The following SCAPER variants were observed in gnomAD, a reference collection of about 807,000 sequenced individuals.
SCAPER encodes the protein S-phase cyclin A associated protein in the ER, also known as S phase cyclin A-associated protein in the endoplasmic reticulum.
In SCAPER, 98 loss-of-function variants were observed where a neutral mutation model predicts 182.2. That is an observed-to-expected ratio of 0.54 (90% CI 0.46 to 0.64). SCAPER has a LOEUF of 0.64. Ranked by LOEUF, SCAPER falls within the 30% of genes least tolerant of loss-of-function variation. SCAPER has a pLI of 0.00. For missense variants in SCAPER, 1,432 were observed against 1,690.0 expected, an observed-to-expected ratio of 0.85 and a Z score of 2.68; for synonymous variants, 605 against 564.6, an observed-to-expected ratio of 1.07 and a Z score of -1.01.
chr15:76,558,245 A>G (rs187022186), intron 23 of SCAPER, among the ~76,000 whole-genome samples: 34 of 152,332 alleles, frequency 2.2e-4, no homozygotes, highest in Non-Finnish European at 2.4e-4. Context: ...TTTGCAAACT[A>G]TGCATCTAAC....
chr15:76,832,965 C>T (rs980922355), intron 5 of SCAPER, among the ~76,000 whole-genome samples: 7 of 152,096 alleles, frequency 4.6e-5, no homozygotes, highest in East Asian at 3.9e-4. Flanking sequence ...TGAACTAATA[C>T]TCAGAAACTG....
rs146190190 is a variant in SCAPER, at chr15:76,830,155, G to A, written c.393+11579C>T. Among the ~76,000 whole-genome samples, 95 of 152,166 alleles carry A rather than the reference G, an allele frequency of 6.2e-4. 2 individuals are homozygous for A. The East Asian group carries it at 0.017, about 27-fold the overall frequency. On this transcript the variant is annotated intron_variant, in intron 5 of 31. Transcript: ENST00000563290. ...AAAAATTAGAACATGGAAAGGCCAG[G>A]AAACATGCAAGGACATGATATGGTT... is the stretch of plus-strand genomic sequence containing the variant.
Position 76,701,780 on chromosome 15 carries a change from C to T in SCAPER, c.2486G>A (p.Arg829His), listed in dbSNP as rs1053504919. Reference protein sequence around the residue: ...AVRENTSIQGRELSDEEVEHL... With the variant: ...AVRENTSIQGHELSDEEVEHL... The stretch of plus-strand genomic sequence containing the variant: ...TACCACTTCTTCATCTGACAGTTCA[C>T]GCCCCTGGATGCTGGTATTCTCTCT... Residue 829 changes from arginine to histidine, a missense_variant, in exon 20 of 32, where the codon CGT becomes CAT. Transcript: ENST00000563290. 5.0e-6 allele frequency: 8 copies of T among 1,613,702 alleles called. No individual in the cohort carries two copies. The highest frequency in any genetic ancestry group is 2.7e-5 in the African/African-American group (2 of 75,028).
intron 8 of SCAPER, among the ~76,000 whole-genome samples, chr15:76,777,764 G>A (rs1240059846): frequency 6.6e-6 from 1 of 152,088 alleles, no homozygotes; most frequent in African/African-American, 2.4e-5. Context: ...ACATTGCAAT[G>A]GTTAAAAATG....
intron 25 of SCAPER, chr15:76,470,965 C>T (rs543167167): frequency 6.4e-4 from 153 of 240,612 alleles, no homozygotes; most frequent in African/African-American, 3.3e-3. Flanking sequence ...GTAACCTTAG[C>T]AAGTGTTATA....
intron 22 of SCAPER, chr15:76,586,705 A>G (rs2048688124): frequency 6.5e-6 from 1 of 153,524 alleles, no homozygotes; most frequent in Non-Finnish European, 1.5e-5. Context: ...CAGATGCTCA[A>G]GTCTACTAAA....
Position 76,602,830 on chromosome 15 carries a change from A to AT in SCAPER, c.2711+18933dup, listed in dbSNP as rs2050018533. 1.7e-5 allele frequency among the ~76,000 whole-genome samples: 2 copies of AT among 114,894 alleles called. 1 individual carries two copies. The highest frequency in any genetic ancestry group is 5.3e-4 in the South Asian group (2 of 3,760). The allele number at this position is 114,894 out of a possible 152,430, so 75.4% of individuals were successfully genotyped here. ...ATTGTCATATCCTCAAGCTGAGATT[A>AT]TTTCCTCAGCTATCTGGTCTACTAA... On this transcript the variant is annotated intron_variant, in intron 22 of 31. Transcript: ENST00000563290.
chr15:76,425,837 G>A (rs536385648), intron 26 of SCAPER, among the ~76,000 whole-genome samples: 1 of 152,340 alleles, frequency 6.6e-6, no homozygotes, highest in East Asian at 1.9e-4. Context: ...CTAACAGTCA[G>A]GACCCTCAGC....
chr15:76,735,289 CT>C (rs113383804), intron 15 of SCAPER, among the ~76,000 whole-genome samples: 11,586 of 152,142 alleles, frequency 0.076, 499 homozygotes, highest in Middle Eastern at 0.11. Flanking sequence ...GAGAGGATTG[CT>C]TGAACCCAGG....
chr15:76,518,437 A>G (rs1331807685), intron 23 of SCAPER, among the ~76,000 whole-genome samples: 1 of 152,232 alleles, frequency 6.6e-6, no homozygotes, highest in South Asian at 2.1e-4. Context: ...AGGCACAAGG[A>G]AAGTCAAGCA....
chr15:76,657,587 A>AC (rs2055759310), intron 21 of SCAPER, among the ~76,000 whole-genome samples: 2 of 77,192 alleles, frequency 2.6e-5, no homozygotes, highest in Non-Finnish European at 6.1e-5. Flanking sequence ...AGACACAACA[A>AC]CAAAAAAAAA....
chr15:76,827,276 G>A (rs1022794347), intron 5 of SCAPER, among the ~76,000 whole-genome samples: 29 of 152,158 alleles, frequency 1.9e-4, no homozygotes, highest in African/African-American at 7.0e-4. Context: ...CATTATGCCA[G>A]TTCCCAAATG....
intron 26 of SCAPER, among the ~76,000 whole-genome samples, chr15:76,418,119 G>A (rs1029491317): frequency 6.6e-6 from 1 of 152,174 alleles, no homozygotes; most frequent in Non-Finnish European, 1.5e-5. Flanking sequence ...CCAACAGGAA[G>A]TGACCAAAAC....
chr15:76,702,643 T>A (rs1270138313), intron 19 of SCAPER, among the ~76,000 whole-genome samples: 7 of 152,112 alleles, frequency 4.6e-5, no homozygotes, highest in African/African-American at 1.7e-4. Flanking sequence ...GAGACAGGGT[T>A]TCACCATGTT....
chr15:76,654,396 A>G (rs1478760611), intron 21 of SCAPER, among the ~76,000 whole-genome samples: 4 of 152,210 alleles, frequency 2.6e-5, no homozygotes, highest in African/African-American at 4.8e-5. Context: ...TGACAGAGCG[A>G]GACTCCGTCT....
chr15:76,777,812 T>A (rs139884350), intron 8 of SCAPER, among the ~76,000 whole-genome samples: 1,922 of 152,288 alleles, frequency 0.013, 27 homozygotes, highest in South Asian at 0.024. Flanking sequence ...TACAATGTGG[T>A]CACAACCTGA....
intron 25 of SCAPER, among the ~76,000 whole-genome samples, chr15:76,453,618 C>T (rs191230409): frequency 6.6e-6 from 1 of 152,300 alleles, no homozygotes; most frequent in East Asian, 1.9e-4. Context: ...TTGTGCATAA[C>T]TGATACTGTT....
rs200632888 is a variant in SCAPER, at chr15:76,795,352, T to C, written c.700A>G (p.Thr234Ala). 6.6e-5 allele frequency: 106 copies of C among 1,613,322 alleles called. No individual in the cohort carries two copies. Among genetic ancestry groups the C allele is most frequent in the Non-Finnish European group, 8.6e-5 (101 of 1,179,530 alleles). The change falls in exon 8 of 32, where the codon ACT (threonine) becomes GCT (alanine). Residue 234 changes from threonine to alanine, a missense_variant. Around this residue, in one of 5 missense-constraint regions of SCAPER, gnomAD observed 480 missense variants for 510.2 expected, o/e 0.94. Transcript: ENST00000563290. ...GCGGGTGTTATTTCTGAAGAAGCAG[T>C]AGAGCCTGTATGATGAGCCTTTACC... ...DKVKAHHTGS[T>A]ASSEITPAQS...
At chr15:76,655,917 G>T (rs2055595092) in intron 21 of SCAPER, among the ~76,000 whole-genome samples, 1 of 152,078 alleles carries the variant, frequency 6.6e-6, no homozygotes, top group African/African-American at 2.4e-5. Context: ...AGTGGAAATA[G>T]AAAAGATTAT....
Sources: allele counts gnomAD v4.1 joint callset (sites outside exome capture counted in the v4.1 genomes callset), GRCh38; gene constraint gnomAD v4.1.1; regional missense constraint gnomAD v4.1.1; transcripts MANE v1.5; gene names NCBI Gene and HGNC (gene_info 2026-07-23, HGNC 2026-07-21).